Variants in CDH1 observed in about 807,000 individuals in gnomAD.
CDH1 encodes the protein cadherin-1.
In CDH1, 35 loss-of-function variants were observed where a neutral mutation model predicts 84.5. The observed-to-expected ratio is 0.41, with a 90% CI of 0.32 to 0.55. The LOEUF is 0.55. Ranked by LOEUF, CDH1 falls within the 20% of genes least tolerant of loss-of-function variation. The probability of loss-of-function intolerance (pLI) is 0.19; values close to 1 mark genes in which losing one functional copy is unlikely to be tolerated. For missense variants in CDH1, 994 were observed against 1,126.6 expected (o/e 0.88, Z 1.68); for synonymous variants, 417 against 439.0 (o/e 0.95, Z 0.63).
At chr16:68,738,935 G>GTTTTTTTTTTT (rs1179292223) in intron 2 of CDH1, among the ~76,000 whole-genome samples, 1 of 18,160 alleles carries the variant, frequency 5.5e-5, no homozygotes, top group Non-Finnish European at 1.3e-4. Flanking sequence ...AGATATAAAA[G>GTTTTTTTTTTT]CTTTTTTTTT....
chr16:68,819,394 G>A lies in CDH1; in HGVS notation c.1680G>A (p.Thr560=), dbSNP rs35741240. Residue 560 remains threonine, a synonymous_variant, in exon 11 of 16, where the codon ACG becomes ACA. Transcript: ENST00000261769. ...REDFEHVKNS[T]YTALIIATDN... is the part of the protein sequence containing the mutation. Reference sequence around the variant, plus strand: ...ATTTTGAGCACGTGAAGAACAGCACGTACACAGCCCTAATCATAGCTACAG... The same window carrying A: ...ATTTTGAGCACGTGAAGAACAGCACATACACAGCCCTAATCATAGCTACAG... The A allele has an allele frequency of 9.3e-6, 15 of 1,613,630 alleles. No homozygotes were observed. Among genetic ancestry groups the A allele is most frequent in the Middle Eastern group, 1.7e-4 (1 of 5,800 alleles).
chr16:68,792,478 C>A (rs1368974509), intron 2 of CDH1, among the ~76,000 whole-genome samples: 1 of 152,210 alleles, frequency 6.6e-6, no homozygotes, highest in South Asian at 2.1e-4. Flanking sequence ...GTTCCACCCA[C>A]CTCCCAAAGG....
rs570164152 is a variant in CDH1 at position 68,813,943 on chromosome 16, C to T, written c.1320+448C>T. On this transcript the variant is annotated intron_variant, in intron 9 of 15. Transcript: ENST00000261769. ...GCAAGACTCAGTCTCCAGGGGTGGG[C>T]GGGGAAAAGGAGGCCGGGCGTGGTG... 6.4e-5 allele frequency among the ~76,000 whole-genome samples: 9 copies of T among 140,236 alleles called. No homozygotes were observed. The East Asian group carries it at 1.3e-3, about 21-fold the overall frequency. The allele number at this position is 140,236 out of a possible 152,430, so 92.0% of individuals were successfully genotyped here. A position where few individuals can be genotyped will look rare whatever the true frequency, so the allele number is the denominator to read the frequency against.
chr16:68,827,132 A>G (rs1189422747), intron 13 of CDH1, among the ~76,000 whole-genome samples: 1 of 152,058 alleles, frequency 6.6e-6, no homozygotes, highest in Non-Finnish European at 1.5e-5. Flanking sequence ...TTAGCTGGGC[A>G]TGGTGGCAGG....
At chr16:68,761,334 C>T (rs1477289284) in intron 2 of CDH1, among the ~76,000 whole-genome samples, 1 of 152,214 alleles carries the variant, frequency 6.6e-6, no homozygotes, top group Non-Finnish European at 1.5e-5. Context: ...ATCCCATACC[C>T]TCTCCCCTGC....
chr16:68,823,053 G>A, intron 12 of CDH1: 2 of 293,060 alleles, frequency 6.8e-6, no homozygotes, highest in South Asian at 4.2e-5. Context: ...AGGCCAGCCG[G>A]CCTCCAGGCC....
intron 2 of CDH1, among the ~76,000 whole-genome samples, chr16:68,786,747 AGAG>A (rs1485655608): frequency 2.0e-5 from 3 of 152,056 alleles, no homozygotes; most frequent in Admixed American, 2.0e-4. Flanking sequence ...ATCCATTAAA[AGAG>A]AAAAGGCATC....
chr16:68,794,907 T>A (rs1960317621), intron 2 of CDH1, among the ~76,000 whole-genome samples: 1 of 151,560 alleles, frequency 6.6e-6, no homozygotes, highest in South Asian at 2.1e-4. Context: ...TTAGCCAGGA[T>A]GGTCTCGATC....
At chr16:68,800,515 C>G (rs1398981710) in intron 2 of CDH1, among the ~76,000 whole-genome samples, 1 of 152,200 alleles carries the variant, frequency 6.6e-6, no homozygotes, top group East Asian at 1.9e-4. Context: ...GGCTTTCTGG[C>G]AGAAACCTGA....
chr16:68,770,404 C>T (rs1959534134), intron 2 of CDH1, among the ~76,000 whole-genome samples: 1 of 152,110 alleles, frequency 6.6e-6, no homozygotes, highest in Non-Finnish European at 1.5e-5. Context: ...ACATAGAGGG[C>T]CCTTAGGGGA....
chr16:68,797,060 A>T (rs892294063), intron 2 of CDH1, among the ~76,000 whole-genome samples: 2 of 152,160 alleles, frequency 1.3e-5, no homozygotes, highest in African/African-American at 4.8e-5. Flanking sequence ...AAAATAGAGC[A>T]TGGCACATTA....
intron 11 of CDH1, 108 bp from the exon 12 acceptor site, chr16:68,821,893 G>C (rs1311355338): frequency 1.2e-6 from 1 of 864,278 alleles, no homozygotes; most frequent in Non-Finnish European, 1.9e-6. Flanking sequence ...GGGGCCTGGT[G>C]AGGGACCACT....
chr16:68,768,049 G>A (rs1022739678), intron 2 of CDH1, among the ~76,000 whole-genome samples: 7 of 151,698 alleles, frequency 4.6e-5, no homozygotes, highest in Non-Finnish European at 5.9e-5. Flanking sequence ...TCCGCCTCCC[G>A]GGTTCAAGTG....
chr16:68,748,146 C>G (rs1226303484), intron 2 of CDH1, among the ~76,000 whole-genome samples: 1 of 128,516 alleles, frequency 7.8e-6, no homozygotes, highest in Non-Finnish European at 1.6e-5. Context: ...GAGTTTCGCT[C>G]TCATTGCCCA....
At chr16:68,832,163 T>A (rs1317728850) in intron 15 of CDH1, among the ~76,000 whole-genome samples, 1 of 152,046 alleles carries the variant, frequency 6.6e-6, no homozygotes, top group Non-Finnish European at 1.5e-5. Context: ...GCAGAAAAGA[T>A]AACTACTGGG....
chr16:68,807,775 G>A (rs1324151579), intron 3 of CDH1, among the ~76,000 whole-genome samples: 2 of 152,130 alleles, frequency 1.3e-5, no homozygotes, highest in Non-Finnish European at 2.9e-5. Flanking sequence ...AGAGTATAAT[G>A]TTGCTGTTAA....
At chr16:68,800,500 T>G (rs1250421810) in intron 2 of CDH1, among the ~76,000 whole-genome samples, 2 of 152,230 alleles carry the variant, frequency 1.3e-5, no homozygotes, top group Non-Finnish European at 2.9e-5. Context: ...AGGGATGGCT[T>G]CAAGGGCTTT....
At chr16:68,811,065 T>C (rs1344987617) in intron 6 of CDH1, among the ~76,000 whole-genome samples, 1 of 151,408 alleles carries the variant, frequency 6.6e-6, no homozygotes, top group East Asian at 1.9e-4. Flanking sequence ...CCCTAAACAA[T>C]CCCCCTTGGT....
chr16:68,815,632 G>A lies in CDH1; in HGVS notation c.1438G>A (p.Val480Met), dbSNP rs786202675. The A allele has an allele frequency of 2.5e-6, 4 of 1,614,238 alleles. No individual in the cohort carries two copies. Among genetic ancestry groups the A allele is most frequent in the Non-Finnish European group, 3.4e-6 (4 of 1,180,050 alleles). ...TATVTVDVLD[V>M]NEAPIFVPPE... ...CACCGTCACCGTGGATGTGCTGGAT[G>A]TGAATGAAGCCCCCATCTTTGTGCC... Residue 480 changes from valine (V) to methionine (M), a missense_variant, in exon 10 of 16, where the codon GTG becomes ATG. This residue lies in a region of CDH1 where 769 missense variants were observed against 881.8 expected (regional missense o/e 0.87). Transcript: ENST00000261769.
Sources: allele counts gnomAD v4.1 joint callset (sites outside exome capture counted in the v4.1 genomes callset), GRCh38; gene constraint gnomAD v4.1.1; regional missense constraint gnomAD v4.1.1; transcripts MANE v1.5; gene names NCBI Gene and HGNC (gene_info 2026-07-23, HGNC 2026-07-21).